ABHD3: variants seen among roughly 807,000 people sequenced by gnomAD.
The protein encoded by ABHD3 is abhydrolase domain containing 3, phospholipase, also known as phospholipase ABHD3.
A neutral mutation model predicts 48.8 loss-of-function variants in ABHD3; 46 were observed. That is an observed-to-expected ratio of 0.94 (90% confidence interval 0.74 to 1.20). The LOEUF (loss-of-function observed/expected upper bound fraction) is 1.20, where lower values mean the gene tolerates loss of function less well. ABHD3 is among the 50% of genes most tolerant of loss of function. ABHD3 has a pLI of 0.00. For missense variants in ABHD3, 490 were observed against 497.8 expected (o/e 0.98, Z 0.15); for synonymous variants, 192 against 183.7 (o/e 1.04, Z -0.36).
At chr18:21,667,159 T>C (rs2039650218) in intron 4 of ABHD3, among the ~76,000 whole-genome samples, 5 of 150,120 alleles carry the variant, frequency 3.3e-5, no homozygotes. Flanking sequence ...CTGCAAGCTC[T>C]GCCTCCTGGG....
Position 21,664,228 on chromosome 18 carries a change from C to A in ABHD3, c.558G>T (p.Thr186=), listed in dbSNP as rs781443913. 5.6e-6 allele frequency: 9 copies of A among 1,607,462 alleles called. No homozygotes were observed. The highest frequency in any genetic ancestry group is 1.3e-5 in the African/African-American group (1 of 74,512). Residue 186 remains threonine (T), a splice_region_variant and synonymous_variant, in exon 5 of 9, where the codon ACG becomes ACT. Coordinates refer to ENST00000289119, the MANE Select transcript of ABHD3 (RefSeq NM_138340.5). ...NRGVAGENLL[T]PRTYCCANTE... ...TGTTAGCACAACAATAAGTCCTTGG[C>A]GTCTGGAAGTAGTGACAAGTAAAGC...
At chr18:21,669,355 G>A (rs530908652) in intron 4 of ABHD3, among the ~76,000 whole-genome samples, 85 of 152,214 alleles carry the variant, frequency 5.6e-4, no homozygotes, top group Non-Finnish European at 1.0e-3. Flanking sequence ...CTCCCCTGGC[G>A]GCTCTGCTAG....
At chr18:21,677,023 T>C (rs2039897922) in intron 4 of ABHD3, among the ~76,000 whole-genome samples, 1 of 152,192 alleles carries the variant, frequency 6.6e-6, no homozygotes, top group Non-Finnish European at 1.5e-5. Flanking sequence ...GAAACCTCCA[T>C]TAGCAATCAT....
At chr18:21,656,075 G>A (rs541678954) in intron 8 of ABHD3, among the ~76,000 whole-genome samples, 1 of 151,912 alleles carries the variant, frequency 6.6e-6, no homozygotes, top group African/African-American at 2.4e-5. Flanking sequence ...AGAATTGCTT[G>A]AACCCGGGAG....
chr18:21,693,122 G>A (rs1486183586), intron 3 of ABHD3, among the ~76,000 whole-genome samples: 1 of 152,156 alleles, frequency 6.6e-6, no homozygotes, highest in Non-Finnish European at 1.5e-5. Context: ...TAAGGCGTAG[G>A]CAGTATCTCA....
intron 4 of ABHD3, among the ~76,000 whole-genome samples, chr18:21,674,235 A>C (rs201154058): frequency 0.023 from 3,365 of 145,348 alleles, 139 homozygotes; most frequent in Admixed American, 0.11. Flanking sequence ...TCTTTCTTTT[A>C]TTTTGAACTT....
At chr18:21,663,797 G>T in intron 5 of ABHD3, 1 of 1,533,542 alleles carries the variant, frequency 6.5e-7, no homozygotes, top group South Asian at 1.2e-5. Flanking sequence ...CTCCAGGGAT[G>T]GCTGGGAGTG....
chr18:21,663,737 T>C (rs2039555058), intron 5 of ABHD3: 3 of 1,535,622 alleles, frequency 2.0e-6, no homozygotes, highest in South Asian at 2.4e-5. Flanking sequence ...TGATTATTTC[T>C]GTAACTGGAG....
At chr18:21,674,291 C>T (rs1286543064) in intron 4 of ABHD3, among the ~76,000 whole-genome samples, 1 of 150,334 alleles carries the variant, frequency 6.7e-6, no homozygotes, top group Non-Finnish European at 1.5e-5. Context: ...GCCCAGGCTG[C>T]AGTGCAGTGG....
chr18:21,672,824 C>G (rs540905512), intron 4 of ABHD3, among the ~76,000 whole-genome samples: 27 of 152,112 alleles, frequency 1.8e-4, no homozygotes, highest in African/African-American at 6.5e-4. Flanking sequence ...GTTTAATGAA[C>G]CATCATTTCA....
intron 4 of ABHD3, among the ~76,000 whole-genome samples, chr18:21,676,141 T>C (rs2039877397): frequency 6.6e-6 from 1 of 152,178 alleles, no homozygotes; most frequent in Non-Finnish European, 1.5e-5. Flanking sequence ...AACATATGAA[T>C]GCTGGGGCAG....
Position 21,704,735 on chromosome 18 carries a change from G to GAGAGCGGGCGAGAGCGGGCT in ABHD3, c.-71_-70insAGCCCGCTCTCGCCCGCTCT. 7.7e-7 allele frequency: 1 copy of GAGAGCGGGCGAGAGCGGGCT among 1,302,412 alleles called. No homozygotes were observed. The highest frequency in any genetic ancestry group is 9.9e-7 in the Non-Finnish European group (1 of 1,015,002). 80.7% of individuals were successfully genotyped at this position (1,302,412 alleles called of 1,614,324 possible). A position where few individuals can be genotyped will look rare whatever the true frequency, so the allele number is the denominator to read the frequency against. ...GGCTGGCGAGCGGGCGAGAGCGGGC[G>GAGAGCGGGCGAGAGCGGGCT]AGAGCGGACGCGGCGCCGCTGCCTA... On this transcript the variant is annotated 5_prime_UTR_variant, in exon 1 of 9. Coordinates refer to ENST00000289119, the MANE Select transcript of ABHD3 (RefSeq NM_138340.5).
At chr18:21,672,413 A>G (rs535304925) in intron 4 of ABHD3, among the ~76,000 whole-genome samples, 1 of 152,364 alleles carries the variant, frequency 6.6e-6, no homozygotes, top group African/African-American at 2.4e-5. Context: ...TGAAATCTGA[A>G]AAAGACACAC....
chr18:21,654,709 C>A (rs2146276881), intron 8 of ABHD3, among the ~76,000 whole-genome samples: 1 of 152,286 alleles, frequency 6.6e-6, no homozygotes, highest in South Asian at 2.1e-4. Flanking sequence ...AAATTTCTAA[C>A]AGAGAGTTAC....
intron 5 of ABHD3, among the ~76,000 whole-genome samples, chr18:21,661,102 T>TAAAAAAAAAAAAAAAAAAAAAAAAA (rs35710540): frequency 1.7e-5 from 1 of 57,226 alleles, no homozygotes; most frequent in Admixed American, 2.1e-4. Context: ...AACTACAAGC[T>TAAAAAAAAAAAAAAAAAAAAAAAAA]AAAAAAAAAA....
intron 3 of ABHD3, among the ~76,000 whole-genome samples, chr18:21,688,532 T>C (rs2040176964): frequency 6.6e-6 from 1 of 151,564 alleles, no homozygotes; most frequent in Non-Finnish European, 1.5e-5. Context: ...GAGCCTGTAG[T>C]AGAGAAATAA....
At chr18:21,677,802 G>C (rs988823258) in intron 4 of ABHD3, among the ~76,000 whole-genome samples, 2 of 151,750 alleles carry the variant, frequency 1.3e-5, no homozygotes, top group African/African-American at 2.4e-5. Context: ...CCCTGCCTCA[G>C]CCTCCTGAGT....
In ABHD3 at chr18:21,651,452, T is replaced by C. The variant is rs2039218895; in HGVS notation, c.*139A>G. On this transcript the variant is annotated 3_prime_UTR_variant, in exon 9 of 9. Coordinates refer to ENST00000289119, the MANE Select transcript of ABHD3 (RefSeq NM_138340.5). ...AAAGTTGTTTTGTTTCTCTAAAAAG[T>C]AGTTTTTGCATATCATTCTGGACCT... 1.6e-5 allele frequency: 14 copies of C among 880,894 alleles called. No individual in the cohort carries two copies. The South Asian group carries it at 3.0e-4, about 19-fold the overall frequency. 54.6% of individuals were successfully genotyped at this position (880,894 alleles called of 1,614,324 possible).
At chr18:21,675,482 T>C (rs1029498561) in intron 4 of ABHD3, among the ~76,000 whole-genome samples, 4 of 151,940 alleles carry the variant, frequency 2.6e-5, no homozygotes, top group Non-Finnish European at 4.4e-5. Context: ...TTAGCCAGAA[T>C]GGTCTTGATC....
Sources: allele counts gnomAD v4.1 joint callset (sites outside exome capture counted in the v4.1 genomes callset), GRCh38; gene constraint gnomAD v4.1.1; transcripts MANE v1.5; gene names NCBI Gene and HGNC (gene_info 2026-07-23, HGNC 2026-07-21).